RALGPS2: variants seen among roughly 807,000 people sequenced by gnomAD.
The protein encoded by RALGPS2 is ras-specific guanine nucleotide-releasing factor RalGPS2.
Under a neutral mutation model 86.8 loss-of-function variants are expected in RALGPS2, and 43 were observed. The ratio of observed to expected loss-of-function variants is 0.50; its 90% CI spans 0.39 to 0.64. The LOEUF is 0.64. Ranked by LOEUF, RALGPS2 falls within the 30% of genes least tolerant of loss-of-function variation. RALGPS2 has a pLI of 0.00. For synonymous variants in RALGPS2, 243 were observed against 231.3 expected (o/e 1.05, Z -0.46); for missense variants, 536 against 694.6 (o/e 0.77, Z 2.57).
At chr1:178,893,146 G>C (rs957418380) in intron 15 of RALGPS2, among the ~76,000 whole-genome samples, 1 of 151,940 alleles carries the variant, frequency 6.6e-6, no homozygotes. Flanking sequence ...TTGTCAGCAT[G>C]TATGTTTTAT....
chr1:178,865,534 G>A (rs1658346122), intron 8 of RALGPS2: 1 of 1,614,108 alleles, frequency 6.2e-7, no homozygotes, highest in Non-Finnish European at 8.5e-7. Context: ...GGTCCATCCT[G>A]GTGATCATGT....
chr1:178,891,383 A>C (rs1360808045), intron 14 of RALGPS2, among the ~76,000 whole-genome samples: 1 of 152,138 alleles, frequency 6.6e-6, no homozygotes, highest in Non-Finnish European at 1.5e-5. Context: ...CTGAATGTTG[A>C]CATACCATTT....
At chr1:178,865,274 A>G (rs559508499) in intron 8 of RALGPS2, 4 of 1,614,082 alleles carry the variant, frequency 2.5e-6, no homozygotes, top group Admixed American at 1.7e-5. Flanking sequence ...TCTTGTTGCC[A>G]TCTTCAACAT....
intron 19 of RALGPS2, among the ~76,000 whole-genome samples, chr1:178,914,368 G>A (rs927404777): frequency 1.1e-4 from 16 of 152,118 alleles, no homozygotes; most frequent in East Asian, 3.9e-4. Flanking sequence ...GGATCCCAGC[G>A]GTTTGTGGTG....
rs550315801 is a variant in RALGPS2 at position 178,878,864 on chromosome 1, G to A, written c.746-38G>A. ...TAATTTTTAAAGTTCTGGTTAAGAT[G>A]TACTTTATCAGATAATTATTTATCA... On this transcript the variant is annotated intron_variant, in intron 9 of 19. Coordinates refer to ENST00000367635, the MANE Select transcript of RALGPS2 (RefSeq NM_152663.5). 4.1e-5 allele frequency: 65 copies of A among 1,602,476 alleles called. No individual in the cohort carries two copies. The South Asian group carries it at 7.1e-4, about 18-fold the overall frequency.
At chr1:178,734,506 A>T (rs1650565110) in intron 1 of RALGPS2, among the ~76,000 whole-genome samples, 1 of 152,216 alleles carries the variant, frequency 6.6e-6, no homozygotes, top group African/African-American at 2.4e-5. Flanking sequence ...ATATGCTATA[A>T]ACCATTGACT....
At chr1:178,802,572 G>A (rs1349118152) in intron 4 of RALGPS2, among the ~76,000 whole-genome samples, 1 of 152,170 alleles carries the variant, frequency 6.6e-6, no homozygotes, top group African/African-American at 2.4e-5. Context: ...GATAAGTAGT[G>A]TCATCACAGG....
At chr1:178,785,649 A>T (rs1282026346) in intron 4 of RALGPS2, 42 bp downstream of exon 4, 1 of 1,531,986 alleles carries the variant, frequency 6.5e-7, no homozygotes, top group East Asian at 2.4e-5. Flanking sequence ...ATAGAAAACG[A>T]TCAATCTCAA....
chr1:178,831,648 T>C (rs896194791), intron 7 of RALGPS2, among the ~76,000 whole-genome samples: 11 of 134,174 alleles, frequency 8.2e-5, no homozygotes, highest in Admixed American at 1.5e-4. Flanking sequence ...CCCCAGCGGT[T>C]TTTGGAGGGG....
intron 1 of RALGPS2, among the ~76,000 whole-genome samples, chr1:178,770,193 T>A (rs970142643): frequency 1.3e-5 from 2 of 151,966 alleles, no homozygotes; most frequent in African/African-American, 4.8e-5. Context: ...ATTTTTTGTT[T>A]TTGTTTTTAG....
chr1:178,810,418 T>C (rs1398155601), intron 5 of RALGPS2, among the ~76,000 whole-genome samples: 1 of 152,060 alleles, frequency 6.6e-6, no homozygotes, highest in African/African-American at 2.4e-5. Context: ...AATATTTGTA[T>C]TAAAATTTGC....
At chr1:178,861,989 C>T (rs146468519) in intron 8 of RALGPS2, among the ~76,000 whole-genome samples, 2,071 of 152,230 alleles carry the variant, frequency 0.014, 25 homozygotes, top group Admixed American at 0.033. Flanking sequence ...TCTCCTGCCT[C>T]AGCCTCCTGA....
At chr1:178,915,212 TTTTAC>T (rs763000500) in intron 19 of RALGPS2, among the ~76,000 whole-genome samples, 18 of 152,182 alleles carry the variant, frequency 1.2e-4, no homozygotes, top group Non-Finnish European at 2.2e-4. Context: ...GAAATGAAAC[TTTTAC>T]TTTACTTAAA....
intron 1 of RALGPS2, among the ~76,000 whole-genome samples, chr1:178,741,309 TAACCAACTTGCCC>T (rs1411982693): frequency 1.3e-5 from 2 of 152,244 alleles, no homozygotes; most frequent in Non-Finnish European, 2.9e-5. Flanking sequence ...ACAGAGAGGC[TAACCAACTTGCCC>T]AAGGTTATAC....
chr1:178,739,545 T>C (rs936297830), intron 1 of RALGPS2, among the ~76,000 whole-genome samples: 2 of 152,224 alleles, frequency 1.3e-5, no homozygotes. Flanking sequence ...CTAGGTGTTG[T>C]TGGCACGATT....
At chr1:178,734,502 T>C (rs1344977284) in intron 1 of RALGPS2, among the ~76,000 whole-genome samples, 1 of 152,234 alleles carries the variant, frequency 6.6e-6, no homozygotes, top group Non-Finnish European at 1.5e-5. Flanking sequence ...GTGAATATGC[T>C]ATAAACCATT....
At chr1:178,874,633 A>G (rs945996735) in intron 8 of RALGPS2, among the ~76,000 whole-genome samples, 4 of 152,240 alleles carry the variant, frequency 2.6e-5, no homozygotes, top group Admixed American at 6.5e-5. Flanking sequence ...ACTTTTTTAT[A>G]TCTTCTATTG....
At chr1:178,752,746 T>C (rs768799421) in intron 1 of RALGPS2, among the ~76,000 whole-genome samples, 23 of 152,206 alleles carry the variant, frequency 1.5e-4, no homozygotes, top group Non-Finnish European at 2.6e-4. Flanking sequence ...CATAGTAATA[T>C]TCTCCAATTT....
Position 178,821,702 on chromosome 1 carries a change from G to A in RALGPS2, c.478G>A (p.Ala160Thr). Residue 160 changes from alanine (A) to threonine (T), a missense_variant and splice_region_variant, in exon 7 of 20, where the codon GCG (alanine) becomes ACG (threonine). Transcript: ENST00000367635. Reference sequence around the variant, plus strand: ...AATTTTCAGGTTGACTAAAACATGGGCGGTGAGTAATATTCTTTAGTTAAT... The same window carrying A: ...AATTTTCAGGTTGACTAAAACATGGACGGTGAGTAATATTCTTTAGTTAAT... ...APIFRLTKTW[A>T]LLSRKDKTTF... 6.2e-7 allele frequency: 1 copy of A among 1,605,430 alleles called. No individual in the cohort carries two copies. The highest frequency in any genetic ancestry group is 8.5e-7 in the Non-Finnish European group (1 of 1,172,468).
Sources: gnomAD v4.1 joint callset for allele counts (sites outside exome capture counted in the v4.1 genomes callset) on GRCh38, gnomAD v4.1.1 for gene constraint, MANE v1.5 for transcripts, NCBI Gene and HGNC (gene_info 2026-07-23, HGNC 2026-07-21) for gene names.